IRS1: variants seen among roughly 807,000 people sequenced by gnomAD.
IRS1 encodes the protein insulin receptor substrate 1.
IRS1 carries 34 observed loss-of-function variants against 65.6 expected under a neutral mutation model. The ratio of observed to expected loss-of-function variants is 0.52; its 90% CI spans 0.39 to 0.69. The LOEUF is 0.69. Among genes scored for constraint, IRS1 ranks in the 30% least tolerant of loss-of-function variants. The pLI is 0.00. For missense variants in IRS1, 1,641 were observed against 1,720.2 expected (o/e 0.95, Z 0.81); for synonymous variants, 699 against 683.5 (o/e 1.02, Z -0.35).
At chr2:226,779,564 AC>A (rs944026781) in intron 1 of IRS1, among the ~76,000 whole-genome samples, 1 of 152,240 alleles carries the variant, frequency 6.6e-6, no homozygotes, top group African/African-American at 2.4e-5. Flanking sequence ...ATGTGAATCA[AC>A]CGTGAAGGGC....
At chr2:226,779,125 C>T (rs1358330378) in intron 1 of IRS1, among the ~76,000 whole-genome samples, 1 of 152,130 alleles carries the variant, frequency 6.6e-6, no homozygotes, top group Non-Finnish European at 1.5e-5. Context: ...GGTCTACAAC[C>T]ATTTGAGTCT....
intron 1 of IRS1, among the ~76,000 whole-genome samples, chr2:226,790,608 C>T (rs920616178): frequency 2.0e-5 from 3 of 152,168 alleles, no homozygotes; most frequent in African/African-American, 4.8e-5. Flanking sequence ...TGGTACGTTT[C>T]CACCTGTGAT....
At chr2:226,792,315 C>T (rs1939627755) in intron 1 of IRS1, 2 of 152,096 alleles carry the variant, frequency 1.3e-5, no homozygotes, top group Admixed American at 6.5e-5. Flanking sequence ...GTCTGAGAGG[C>T]TCTTTTTGCC....
chr2:226,798,451 C>T lies in IRS1; in HGVS notation c.288G>A (p.Ala96=). ...TGTCTTGCTCGGCCTCGCTGTCCGC[C>T]GCGATGGCAAAGTGCTCGTCCCGGG... is the stretch of plus-strand genomic sequence containing the variant. ...LYTRDEHFAI[A]ADSEAEQDSW... The change falls in exon 1 of 2, where the codon GCG becomes GCA. Residue 96 remains alanine (A), a synonymous_variant. Transcript: ENST00000305123. This position sits in a 1 kb window ranked among gnomAD's most constrained non-coding sequence, Gnocchi z 9.4. 1.2e-6 allele frequency: 2 copies of T among 1,614,116 alleles called. No individual in the cohort carries two copies. Among genetic ancestry groups the T allele is most frequent in the East Asian group, 2.2e-5 (1 of 44,872 alleles).
At chr2:226,753,509 A>C (rs1454901235) in intron 1 of IRS1, among the ~76,000 whole-genome samples, 10 of 152,212 alleles carry the variant, frequency 6.6e-5, no homozygotes, top group African/African-American at 9.6e-5. Flanking sequence ...ATTTGATTAC[A>C]ATCCTTTACT....
intron 1 of IRS1, among the ~76,000 whole-genome samples, chr2:226,760,785 T>A (rs1359414082): frequency 6.6e-6 from 1 of 152,222 alleles, no homozygotes; most frequent in African/African-American, 2.4e-5. Context: ...TTTGCTTTTT[T>A]AAAAAATTGA....
At chr2:226,744,912 C>G (rs1346546706) in intron 1 of IRS1, among the ~76,000 whole-genome samples, 1 of 151,920 alleles carries the variant, frequency 6.6e-6, no homozygotes, top group South Asian at 2.1e-4. Context: ...AGAATTTGAT[C>G]TGGGATTCTT....
chr2:226,781,313 T>C (rs1939377363), intron 1 of IRS1, among the ~76,000 whole-genome samples: 1 of 152,118 alleles, frequency 6.6e-6, no homozygotes, highest in Admixed American at 6.5e-5. Context: ...CTGCCATTAT[T>C]TTTAAAAATA....
intron 1 of IRS1, among the ~76,000 whole-genome samples, chr2:226,753,723 A>G (rs2106163687): frequency 6.6e-6 from 1 of 152,350 alleles, no homozygotes; most frequent in Non-Finnish European, 1.5e-5. Context: ...CAAATCAAAG[A>G]TAATGGACTC....
Position 226,733,986 on chromosome 2 carries a change from G to C in IRS1, c.*2286C>G, listed in dbSNP as rs770861488. 3.3e-5 allele frequency: 5 copies of C among 152,116 alleles called. No homozygotes were observed. The highest frequency in any genetic ancestry group is 1.2e-4 in the African/African-American group (5 of 41,420). 9.4% of individuals were successfully genotyped at this position (152,116 alleles called of 1,614,324 possible). On this transcript the variant is annotated 3_prime_UTR_variant, in exon 2 of 2. Transcript: ENST00000305123. Reference sequence around the variant, plus strand: ...ACATGTTGATAATTCCACATGTAGAGGTATCTCGGTAACACATATTCAAAG... The same window carrying C: ...ACATGTTGATAATTCCACATGTAGACGTATCTCGGTAACACATATTCAAAG...
intron 1 of IRS1, among the ~76,000 whole-genome samples, chr2:226,773,083 T>C (rs1319833871): frequency 6.6e-6 from 1 of 152,206 alleles, no homozygotes; most frequent in Admixed American, 6.5e-5. Flanking sequence ...CTAAAGAGAA[T>C]ACCGTAGAGG....
chr2:226,781,168 T>A (rs1939373905), intron 1 of IRS1, among the ~76,000 whole-genome samples: 1 of 152,190 alleles, frequency 6.6e-6, no homozygotes, highest in South Asian at 2.1e-4. Context: ...ACCCAGCTAA[T>A]AAAAGATTTG....
At chr2:226,781,865 TACACACACACACACACACACACAC>T (rs34695433) in intron 1 of IRS1, among the ~76,000 whole-genome samples, 9 of 131,504 alleles carry the variant, frequency 6.8e-5, no homozygotes, top group African/African-American at 2.5e-4. Context: ...CACCCCTAAA[TACACACACACACACACACACACAC>T]ACACACACAC....
chr2:226,742,797 C>T (rs1222567513), intron 1 of IRS1, among the ~76,000 whole-genome samples: 4 of 151,928 alleles, frequency 2.6e-5, no homozygotes, highest in African/African-American at 9.7e-5. Flanking sequence ...CTGTCAGTCT[C>T]GTGAATTTCT....
chr2:226,776,918 A>C (rs1939285635), intron 1 of IRS1, among the ~76,000 whole-genome samples: 1 of 152,130 alleles, frequency 6.6e-6, no homozygotes, highest in South Asian at 2.1e-4. Context: ...CTTCATCCCC[A>C]AAACACATTA....
Position 226,766,163 on chromosome 2 carries a change from A to ATTTTT in IRS1, c.*21+28821_*21+28825dup, listed in dbSNP as rs5839180. Among the ~76,000 whole-genome samples, 4 of 4,598 alleles carry ATTTTT rather than the reference A, an allele frequency of 8.7e-4. 1 individual carries two copies. Among genetic ancestry groups the ATTTTT allele is most frequent in the Admixed American group, 6.6e-3 (1 of 152 alleles). The allele number at this position is 4,598 out of a possible 152,430, so 3.0% of individuals were successfully genotyped here. A position where few individuals can be genotyped will look rare whatever the true frequency, so the allele number is the denominator to read the frequency against. On this transcript the variant is annotated intron_variant, in intron 1 of 1. Coordinates refer to ENST00000305123, the MANE Select transcript of IRS1 (RefSeq NM_005544.3). Reference sequence around the variant, plus strand: ...TATATATATATATATATATATATATATTTTTTTTTTTTTTTTTTGAGACAG... The same window carrying ATTTTT: ...TATATATATATATATATATATATATATTTTTTTTTTTTTTTTTTTTTTTGAGACAG...
chr2:226,783,576 A>G (rs746512407), intron 1 of IRS1, among the ~76,000 whole-genome samples: 1 of 152,246 alleles, frequency 6.6e-6, no homozygotes, highest in Non-Finnish European at 1.5e-5. Context: ...TTTCCAAAAA[A>G]AGTAGTATGA....
chr2:226,731,443 A>C lies in IRS1; in HGVS notation c.*4829T>G, dbSNP rs1226759277. ...TTTAATTGATGATGAAGACACTACA[A>C]TTCTAAGTACCAGACAGAATCAGGA... On this transcript the variant is annotated 3_prime_UTR_variant, in exon 2 of 2. Transcript: ENST00000305123. 13 of 152,206 alleles carry C rather than the reference A, an allele frequency of 8.5e-5. No homozygotes were observed. Among genetic ancestry groups the C allele is most frequent in the African/African-American group, 2.9e-4 (12 of 41,440 alleles). The allele number at this position is 152,206 out of a possible 1,614,324, so 9.4% of individuals were successfully genotyped here.
At position 226,795,125 on chromosome 2, in the gene IRS1, G is replaced by A; in HGVS notation, c.3614C>T (p.Pro1205Leu). The A allele has an allele frequency of 6.2e-7, 1 of 1,611,636 alleles. No homozygotes were observed. The highest frequency in any genetic ancestry group is 8.5e-7 in the Non-Finnish European group (1 of 1,179,198). ...CTPEPQPPPPPPPHQPLGSGE... is the reference protein window; with the variant it reads ...CTPEPQPPPPLPPHQPLGSGE... ...GCTGCCCAGGGGTTGATGAGGGGGT[G>A]GGGGTGGGGGAGGCTGCGGTTCAGG... Residue 1205 changes from proline to leucine, a missense_variant, in exon 1 of 2, where the codon CCA becomes CTA. Transcript: ENST00000305123.
Sources: allele counts gnomAD v4.1 joint callset (sites outside exome capture counted in the v4.1 genomes callset), GRCh38; gene constraint gnomAD v4.1.1; non-coding constraint Gnocchi (gnomAD v3.1); transcripts MANE v1.5; gene names NCBI Gene and HGNC (gene_info 2026-07-23, HGNC 2026-07-21).